MYOC: variants seen among roughly 807,000 people sequenced by gnomAD.
MYOC encodes the protein myocilin, also known as juvenile-onset open-angle glaucoma 1.
In MYOC, 29 loss-of-function variants were observed where a neutral mutation model predicts 28.2. The observed-to-expected ratio is 1.03, with a 90% confidence interval of 0.77 to 1.40. The LOEUF is 1.40. Ranked by LOEUF, MYOC falls within the 40% of genes most tolerant of loss-of-function variation. The pLI, the probability that MYOC is intolerant of heterozygous loss-of-function variation, is 0.00. For missense variants in MYOC, 569 were observed against 620.6 expected (o/e 0.92, Z 0.88); for synonymous variants, 240 against 245.6 (o/e 0.98, Z 0.21).
intron 1 of MYOC, among the ~76,000 whole-genome samples, chr1:171,645,543 G>T (rs2236875): frequency 0.13 from 19,594 of 152,220 alleles, 1,414 homozygotes; most frequent in East Asian, 0.21. Context: ...TGGAGTTCAC[G>T]TCTATCTATA....
In MYOC at chr1:171,635,451, G is replaced by T; in HGVS notation, c.*474C>A. On this transcript the variant is annotated 3_prime_UTR_variant, in exon 3 of 3. Coordinates refer to ENST00000037502, the MANE Select transcript of MYOC (RefSeq NM_000261.2). The stretch of plus-strand genomic sequence containing the variant: ...AAAATTTTATTTCACAATGTAAAGG[G>T]TTATGTGAGACCCAACTGTATTCTA... 3.9e-6 allele frequency: 1 copy of T among 255,164 alleles called. No homozygotes were observed. The highest frequency in any genetic ancestry group is 7.7e-6 in the Non-Finnish European group (1 of 130,090). The allele number at this position is 255,164 out of a possible 1,614,324, so 15.8% of individuals were successfully genotyped here.
At chr1:171,650,620 T>A (rs1197727702) in intron 1 of MYOC, among the ~76,000 whole-genome samples, 2 of 152,186 alleles carry the variant, frequency 1.3e-5, no homozygotes, top group East Asian at 3.8e-4. Context: ...CTCTTAGGTT[T>A]TCTAACCCCA....
intron 1 of MYOC, among the ~76,000 whole-genome samples, chr1:171,645,108 T>C (rs1204721785): frequency 6.6e-6 from 1 of 152,178 alleles, no homozygotes; most frequent in Non-Finnish European, 1.5e-5. Context: ...TAGAGGGCGC[T>C]GGAGGGACAT....
intron 1 of MYOC, among the ~76,000 whole-genome samples, chr1:171,642,611 C>CT (rs1653102218): frequency 1.2e-5 from 1 of 86,920 alleles, no homozygotes; most frequent in African/African-American, 4.8e-5. Flanking sequence ...GAGACCCTGT[C>CT]TTAAAAAAAA....
intron 2 of MYOC, among the ~76,000 whole-genome samples, chr1:171,637,869 TC>T (rs1349552027): frequency 1.3e-5 from 2 of 152,212 alleles, no homozygotes; most frequent in African/African-American, 4.8e-5. Context: ...CGCCTCAGCC[TC>T]CCAAAGTGCT....
At position 171,643,044 on chromosome 1, in the gene MYOC, AC is replaced by A. The variant is rs1653115383; in HGVS notation, c.605-4323del. Among the ~76,000 whole-genome samples the A allele has an allele frequency of 2.0e-5, 3 of 152,214 alleles. No homozygotes were observed. In the South Asian group the frequency reaches 6.2e-4, roughly 32 times the overall value. On this transcript the variant is annotated intron_variant, in intron 1 of 2. Transcript: ENST00000037502. ...GAATGGCTCCTGGAGAGTCCTGGAAACTTTTATTTCATTCCCTGCGTCTCCT... is the reference window on the plus strand; with the variant it reads ...GAATGGCTCCTGGAGAGTCCTGGAAATTTTATTTCATTCCCTGCGTCTCCT...
At chr1:171,639,892 C>T (rs1043740537) in intron 1 of MYOC, among the ~76,000 whole-genome samples, 4 of 124,538 alleles carry the variant, frequency 3.2e-5, no homozygotes, top group South Asian at 2.8e-4. Flanking sequence ...TGCAGGGAGC[C>T]GGGATTGTGC....
intron 1 of MYOC, among the ~76,000 whole-genome samples, chr1:171,651,347 C>CA (rs750415363): frequency 0.18 from 25,955 of 143,066 alleles, 2,937 homozygotes; most frequent in East Asian, 0.28. Flanking sequence ...CCCCGCACCC[C>CA]CCCCACACAC....
chr1:171,637,611 T>C (rs1652960555), intron 2 of MYOC, among the ~76,000 whole-genome samples: 1 of 151,464 alleles, frequency 6.6e-6, no homozygotes, highest in Non-Finnish European at 1.5e-5. Flanking sequence ...ACAACAGATG[T>C]CTGTATTTTT....
chr1:171,642,563 A>G (rs981106364), intron 1 of MYOC, among the ~76,000 whole-genome samples: 5 of 151,524 alleles, frequency 3.3e-5, no homozygotes, highest in African/African-American at 1.2e-4. Context: ...GCAGTGAGCC[A>G]TGATCATGCC....
chr1:171,641,287 C>G (rs171001), intron 1 of MYOC, among the ~76,000 whole-genome samples: 107,345 of 151,936 alleles, frequency 0.71, 38,146 homozygotes, highest in South Asian at 0.79. Context: ...AGGAGGCCAC[C>G]TGGGGAAGCA....
chr1:171,641,001 A>G (rs1653062605), intron 1 of MYOC, among the ~76,000 whole-genome samples: 2 of 152,088 alleles, frequency 1.3e-5, no homozygotes, highest in Admixed American at 1.3e-4. Flanking sequence ...ATTTGTCTAA[A>G]CCCATAGAAG....
At chr1:171,639,685 C>A (rs1204822318) in intron 1 of MYOC, among the ~76,000 whole-genome samples, 1 of 148,898 alleles carries the variant, frequency 6.7e-6, no homozygotes, top group African/African-American at 2.5e-5. Context: ...GGCACAGTGG[C>A]TCACACTGAA....
At chr1:171,645,288 C>T (rs1357441431) in intron 1 of MYOC, among the ~76,000 whole-genome samples, 1 of 152,178 alleles carries the variant, frequency 6.6e-6, no homozygotes. Context: ...AACAAGGAAC[C>T]CAGAGTCCCT....
rs1266560557 is a variant in MYOC at position 171,646,795 on chromosome 1, G to GC, written c.604+5212_604+5213insG. On this transcript the variant is annotated intron_variant, in intron 1 of 2. Coordinates refer to ENST00000037502, the MANE Select transcript of MYOC (RefSeq NM_000261.2). Reference sequence around the variant, plus strand: ...CAGGCGTGAGCCACCACGCCCAGCTGTTTTTTTTCTAGGTTTTTTAAAATG... The same window carrying GC: ...CAGGCGTGAGCCACCACGCCCAGCTGCTTTTTTTTCTAGGTTTTTTAAAATG... Among the ~76,000 whole-genome samples the GC allele has an allele frequency of 2.2e-4, 34 of 151,958 alleles. 1 individual carries two copies. Among genetic ancestry groups the GC allele is most frequent in the Admixed American group, 2.1e-3 (32 of 15,258 alleles).
At chr1:171,650,626 C>T (rs938412611) in intron 1 of MYOC, among the ~76,000 whole-genome samples, 4 of 152,150 alleles carry the variant, frequency 2.6e-5, no homozygotes, top group Non-Finnish European at 2.9e-5. Context: ...GGTTTTCTAA[C>T]CCCATAGCTA....
chr1:171,636,740 C>G, intron 2 of MYOC, 31 bp from the exon 3 acceptor site: 1 of 1,593,236 alleles, frequency 6.3e-7, no homozygotes, highest in Non-Finnish European at 8.5e-7. Context: ...AACGAAGCAC[C>G]ACTTAATCCA....
intron 1 of MYOC, among the ~76,000 whole-genome samples, chr1:171,651,415 A>G (rs1158284699): frequency 2.0e-5 from 3 of 151,870 alleles, no homozygotes; most frequent in Non-Finnish European, 4.4e-5. Context: ...CCTCTCAGAA[A>G]AAGCCATCTC....
At chr1:171,641,449 T>A (rs2102946810) in intron 1 of MYOC, among the ~76,000 whole-genome samples, 1 of 152,212 alleles carries the variant, frequency 6.6e-6, no homozygotes. Context: ...ACAGGAGTTA[T>A]CTCTAATTGT....
Sources: allele counts gnomAD v4.1 joint callset (sites outside exome capture counted in the v4.1 genomes callset), GRCh38; gene constraint gnomAD v4.1.1; transcripts MANE v1.5; gene names NCBI Gene and HGNC (gene_info 2026-07-23, HGNC 2026-07-21).